The following HPGDS variants were observed in gnomAD, a reference collection of about 807,000 sequenced individuals.
HPGDS encodes the protein hematopoietic prostaglandin D synthase.
HPGDS carries 26 observed loss-of-function variants against 23.1 expected under a neutral mutation model. The observed-to-expected ratio is 1.13, with a 90% CI of 0.83 to 1.56. The LOEUF is 1.56. HPGDS is among the 40% of genes most tolerant of loss of function. HPGDS has a pLI of 0.00. For missense variants in HPGDS, 268 were observed against 236.4 expected (o/e 1.13, Z -0.88); for synonymous variants, 95 against 77.9 (o/e 1.22, Z -1.16).
At chr4:94,310,628 G>A (rs1279225262) in intron 3 of HPGDS, among the ~76,000 whole-genome samples, 1 of 151,984 alleles carries the variant, frequency 6.6e-6, no homozygotes, top group Admixed American at 6.6e-5. Flanking sequence ...GCTCTTTTTT[G>A]GTTCCATATG....
intron 2 of HPGDS, among the ~76,000 whole-genome samples, chr4:94,318,852 A>G (rs2126040522): frequency 6.6e-6 from 1 of 152,196 alleles, no homozygotes; most frequent in East Asian, 1.9e-4. Context: ...AGCCAGGACT[A>G]CAGGTTTGTG....
At chr4:94,318,087 T>C (rs1756431971) in intron 2 of HPGDS, 122 bp from the exon 3 acceptor site, 1 of 657,968 alleles carries the variant, frequency 1.5e-6, no homozygotes, top group East Asian at 2.8e-5. Flanking sequence ...TTCTTAAATA[T>C]TTTTAAAGGA....
At chr4:94,309,117 ATTTTTTT>A (rs1756204181) in intron 3 of HPGDS, among the ~76,000 whole-genome samples, 1 of 67,916 alleles carries the variant, frequency 1.5e-5, no homozygotes, top group Non-Finnish European at 2.8e-5. Flanking sequence ...GCCACAATTT[ATTTTTTT>A]ATTTTTTTAA....
chr4:94,329,723 T>TG (rs1370234347), intron 2 of HPGDS, among the ~76,000 whole-genome samples: 1 of 152,188 alleles, frequency 6.6e-6, no homozygotes, highest in Non-Finnish European at 1.5e-5. Flanking sequence ...GAGCCAACCT[T>TG]GGGATAACTG....
intron 3 of HPGDS, among the ~76,000 whole-genome samples, chr4:94,315,910 T>G (rs1186511134): frequency 6.6e-6 from 1 of 152,218 alleles, no homozygotes; most frequent in Non-Finnish European, 1.5e-5. Flanking sequence ...TTTTTAGTCC[T>G]AAACCACAGG....
intron 2 of HPGDS, among the ~76,000 whole-genome samples, chr4:94,321,185 G>A (rs1263633408): frequency 1.3e-5 from 2 of 152,188 alleles, no homozygotes; most frequent in Non-Finnish European, 2.9e-5. Flanking sequence ...ATAGTTTGAA[G>A]TCAGGTAGCA....
intron 5 of HPGDS, 26 bp downstream of exon 5, chr4:94,302,120 T>C (rs1429649521): frequency 6.5e-7 from 1 of 1,531,502 alleles, no homozygotes; most frequent in Admixed American, 1.7e-5. Flanking sequence ...TTTGCTTGAA[T>C]TTTTTAAGAT....
At position 94,308,710 on chromosome 4, in the gene HPGDS, T is replaced by A; in HGVS notation, c.260A>T (p.His87Leu). Residue 87 changes from histidine to leucine, a missense_variant, in exon 4 of 6, where the codon CAT (histidine) becomes CTT (leucine). His to Leu is a moderately conservative substitution (Grantham distance 99). Transcript: ENST00000295256. ...CAGAGTGTCCACAATAGCATCAACATGACATTGTTCCATTTCTGTGTTTCC... is the reference window on the plus strand; with the variant it reads ...CAGAGTGTCCACAATAGCATCAACAAGACATTGTTCCATTTCTGTGTTTCC... Reference protein sequence around the residue: ...LAGNTEMEQCHVDAIVDTLDD... With the variant: ...LAGNTEMEQCLVDAIVDTLDD... 1 of 1,607,802 alleles carries A rather than the reference T, an allele frequency of 6.2e-7. No individual in the cohort carries two copies. Among genetic ancestry groups the A allele is most frequent in the Non-Finnish European group, 8.5e-7 (1 of 1,175,426 alleles).
chr4:94,340,906 G>C (rs1721157295), intron 1 of HPGDS, among the ~76,000 whole-genome samples: 2 of 138,882 alleles, frequency 1.4e-5, no homozygotes, highest in Non-Finnish European at 3.1e-5. Flanking sequence ...GTGCAGTGGC[G>C]CAATCTCGGC....
rs904931604 is a variant in HPGDS at position 94,302,117 on chromosome 4, G to C, written c.435+29C>G. On this transcript the variant is annotated intron_variant, in intron 5 of 5. Coordinates refer to ENST00000295256, the MANE Select transcript of HPGDS (RefSeq NM_014485.3). ...TATTGGTTTGTCCTTTTATTTGCTT[G>C]AATTTTTTAAGATATAAAACATACT... is the stretch of plus-strand genomic sequence containing the variant. 3 of 1,516,054 alleles carry C rather than the reference G, an allele frequency of 2.0e-6. No homozygotes were observed. In the African/African-American group the frequency reaches 4.1e-5, roughly 21 times the overall value. 93.9% of individuals were successfully genotyped at this position (1,516,054 alleles called of 1,614,324 possible).
intron 5 of HPGDS, 71 bp from the exon 6 acceptor site, chr4:94,299,715 A>G: frequency 7.4e-7 from 1 of 1,359,446 alleles, no homozygotes; most frequent in African/African-American, 1.5e-5. Context: ...CAAAATTGAA[A>G]TTAGTTTCTT....
chr4:94,318,424 A>G (rs911377205), intron 2 of HPGDS, among the ~76,000 whole-genome samples: 3 of 152,180 alleles, frequency 2.0e-5, no homozygotes, highest in Non-Finnish European at 4.4e-5. Context: ...GGTACATGGT[A>G]TATGCACACA....
chr4:94,320,195 T>C (rs918081413), intron 2 of HPGDS, among the ~76,000 whole-genome samples: 6 of 152,238 alleles, frequency 3.9e-5, no homozygotes, highest in Non-Finnish European at 8.8e-5. Flanking sequence ...AAGTCTTTAC[T>C]ATTGTTAATA....
intron 2 of HPGDS, among the ~76,000 whole-genome samples, chr4:94,333,627 T>A (rs1756769498): frequency 6.6e-6 from 1 of 152,216 alleles, no homozygotes; most frequent in South Asian, 2.1e-4. Context: ...CATCATGAAC[T>A]TTAAGATTCC....
chr4:94,314,611 G>C lies in HPGDS; in HGVS notation c.226+3262C>G, dbSNP rs1245902682. Among the ~76,000 whole-genome samples the C allele has an allele frequency of 4.9e-4, 74 of 152,200 alleles. 1 individual carries two copies. Among genetic ancestry groups the C allele is most frequent in the Admixed American group, 4.8e-3 (73 of 15,282 alleles). ...AGAGACCCACTTGAGGAGGCAGTCT[G>C]TCCATTCTCAGATCTCAAGCTGCAT... On this transcript the variant is annotated intron_variant, in intron 3 of 5. Coordinates refer to ENST00000295256, the MANE Select transcript of HPGDS (RefSeq NM_014485.3).
At chr4:94,340,311 CTT>C (rs869240610) in intron 1 of HPGDS, among the ~76,000 whole-genome samples, 2 of 23,686 alleles carry the variant, frequency 8.4e-5, no homozygotes, top group South Asian at 1.6e-3. Flanking sequence ...CTTTCTTTCT[CTT>C]TTTTTTTTTT....
chr4:94,335,847 T>A (rs973439492), intron 1 of HPGDS, among the ~76,000 whole-genome samples: 1 of 152,190 alleles, frequency 6.6e-6, no homozygotes, highest in Non-Finnish European at 1.5e-5. Flanking sequence ...TAAAGAATAT[T>A]AATGGAATAC....
chr4:94,311,272 T>G (rs1289623431), intron 3 of HPGDS, among the ~76,000 whole-genome samples: 2 of 151,660 alleles, frequency 1.3e-5, no homozygotes, highest in Non-Finnish European at 2.9e-5. Flanking sequence ...TGGCTGTGGG[T>G]TTGTCACAGA....
intron 4 of HPGDS, among the ~76,000 whole-genome samples, chr4:94,308,058 A>C (rs1756172199): frequency 1.3e-5 from 2 of 152,162 alleles, no homozygotes; most frequent in Admixed American, 1.3e-4. Context: ...GAATGTTTGC[A>C]TATACATAAT....
Sources: gnomAD v4.1 joint callset for allele counts (sites outside exome capture counted in the v4.1 genomes callset) on GRCh38, gnomAD v4.1.1 for gene constraint, MANE v1.5 for transcripts, NCBI Gene and HGNC (gene_info 2026-07-23, HGNC 2026-07-21) for gene names.